The following FPR3 variants were observed in gnomAD, a reference collection of about 807,000 sequenced individuals.
The protein encoded by FPR3 is formyl peptide receptor 3, also known as N-formyl peptide receptor 3.
For missense variants in FPR3, 346 were observed against 443.2 expected, an observed-to-expected ratio of 0.78 and a Z score of 1.97; for synonymous variants, 135 against 163.6, an observed-to-expected ratio of 0.83 and a Z score of 1.34.
chr19:51,796,296 C>T (rs1275971211), intron 1 of FPR3, among the ~76,000 whole-genome samples: 1 of 152,082 alleles, frequency 6.6e-6, no homozygotes, highest in Non-Finnish European at 1.5e-5. Context: ...TGGGTGGAGC[C>T]CAGTGTGTCT....
At chr19:51,799,483 G>A (rs2084017272) in intron 1 of FPR3, among the ~76,000 whole-genome samples, 1 of 152,224 alleles carries the variant, frequency 6.6e-6, no homozygotes, top group African/African-American at 2.4e-5. Flanking sequence ...GCTTTTGGCT[G>A]TGTCTTGGAC....
chr19:51,824,413 G>T lies in FPR3; in HGVS notation c.665G>T (p.Gly222Val). 1.2e-6 allele frequency: 2 copies of T among 1,614,034 alleles called. No individual in the cohort carries two copies. The highest frequency in any genetic ancestry group is 4.5e-5 in the East Asian group (2 of 44,830). Residue 222 changes from glycine (G) to valine (V), a missense_variant, in exon 2 of 2, where the codon GGG becomes GTG. Transcript: ENST00000339223. The surrounding 1 kb of genome is among the most constrained non-coding windows in gnomAD (Gnocchi z 4.7). ...ATGTCCATCATCACAGTCTGCTATG[G>T]GATCATCGCTGCCAAAATTCACAGA... ...VPMSIITVCY[G>V]IIAAKIHRNH...
chr19:51,803,385 G>A (rs965926447), intron 1 of FPR3, among the ~76,000 whole-genome samples: 1 of 152,052 alleles, frequency 6.6e-6, no homozygotes, highest in African/African-American at 2.4e-5. Flanking sequence ...CTCAGAAATT[G>A]TCAATTTTGT....
chr19:51,824,968 C>A lies in FPR3; in HGVS notation c.*158C>A. The A allele has an allele frequency of 1.6e-6, 1 of 628,616 alleles. No homozygotes were observed. The highest frequency in any genetic ancestry group is 2.8e-6 in the Non-Finnish European group (1 of 353,608). The allele number at this position is 628,616 out of a possible 1,614,324, so 38.9% of individuals were successfully genotyped here. A position where few individuals can be genotyped will look rare whatever the true frequency, so the allele number is the denominator to read the frequency against. On this transcript the variant is annotated 3_prime_UTR_variant, in exon 2 of 2. Coordinates refer to ENST00000339223, the MANE Select transcript of FPR3 (RefSeq NM_002030.5). The surrounding 1 kb of genome is among the most constrained non-coding windows in gnomAD (Gnocchi z 4.7). ...ATCTGTAGGGGGTTTTTCCCACAAC[C>A]AAGCAATAGACACCAGCTGGGTGTC...
intron 1 of FPR3, among the ~76,000 whole-genome samples, chr19:51,801,096 T>C (rs1230044114): frequency 6.6e-6 from 1 of 151,082 alleles, no homozygotes; most frequent in African/African-American, 2.4e-5. Context: ...AAAAAGAAAA[T>C]AGAAAAAAAT....
At chr19:51,795,374 C>T (rs2122402362) in intron 1 of FPR3, 43 bp downstream of exon 1, 1 of 152,222 alleles carries the variant, frequency 6.6e-6, no homozygotes, top group East Asian at 1.9e-4. Flanking sequence ...GTTGAAATGC[C>T]TGCTATATGA....
At chr19:51,809,321 TA>T (rs1387903214) in intron 1 of FPR3, among the ~76,000 whole-genome samples, 6 of 152,232 alleles carry the variant, frequency 3.9e-5, no homozygotes, top group Non-Finnish European at 8.8e-5. Flanking sequence ...ATGTAGAAGT[TA>T]ATTGCAAGGG....
intron 1 of FPR3, among the ~76,000 whole-genome samples, chr19:51,816,681 G>A (rs2084139602): frequency 6.6e-6 from 1 of 152,234 alleles, no homozygotes; most frequent in African/African-American, 2.4e-5. Context: ...TCAGTCAGAA[G>A]TACAGGTGGC....
intron 1 of FPR3, among the ~76,000 whole-genome samples, chr19:51,797,782 T>C (rs2084008110): frequency 6.6e-6 from 1 of 151,850 alleles, no homozygotes; most frequent in South Asian, 2.1e-4. Flanking sequence ...GGTTCGGGAT[T>C]GTACCCCACA....
intron 1 of FPR3, chr19:51,817,765 C>T (rs2084150598): frequency 6.6e-6 from 1 of 152,140 alleles, no homozygotes; most frequent in Admixed American, 6.5e-5. Flanking sequence ...TGTCTTTTGA[C>T]AAATCCTTGG....
At chr19:51,803,185 T>C (rs1041501656) in intron 1 of FPR3, among the ~76,000 whole-genome samples, 1 of 152,178 alleles carries the variant, frequency 6.6e-6, no homozygotes, top group East Asian at 1.9e-4. Flanking sequence ...AACCAAGTCA[T>C]GTCTAGTAAA....
Position 51,824,873 on chromosome 19 carries a change from T to C in FPR3, c.*63T>C. On this transcript the variant is annotated 3_prime_UTR_variant, in exon 2 of 2. Transcript: ENST00000339223. The surrounding 1 kb of genome is among the most constrained non-coding windows in gnomAD (Gnocchi z 4.7). ...TGCGTTAAGCGGAAAAAAAAAATTCTGACAGTGTTTTTCTTCCTCTTTCAT... is the reference window on the plus strand; with the variant it reads ...TGCGTTAAGCGGAAAAAAAAAATTCCGACAGTGTTTTTCTTCCTCTTTCAT... 7.6e-7 allele frequency: 1 copy of C among 1,322,566 alleles called. No homozygotes were observed. The highest frequency in any genetic ancestry group is 1.5e-5 in the African/African-American group (1 of 67,074). 81.9% of individuals were successfully genotyped at this position (1,322,566 alleles called of 1,614,324 possible).
chr19:51,823,588 C>T (rs558000493), intron 1 of FPR3, among the ~76,000 whole-genome samples, 151 bp from the exon 2 acceptor site: 29 of 152,196 alleles, frequency 1.9e-4, no homozygotes, highest in Admixed American at 1.7e-3. Flanking sequence ...AAAGGAACTC[C>T]GAGAGAGTGC....
At chr19:51,797,868 A>G (rs2084008603) in intron 1 of FPR3, among the ~76,000 whole-genome samples, 1 of 91,992 alleles carries the variant, frequency 1.1e-5, no homozygotes, top group South Asian at 3.6e-4. Flanking sequence ...GATGATTTCC[A>G]TGTCTATTCT....
intron 1 of FPR3, among the ~76,000 whole-genome samples, chr19:51,806,574 C>T (rs1333303201): frequency 6.6e-6 from 1 of 152,190 alleles, no homozygotes; most frequent in Non-Finnish European, 1.5e-5. Flanking sequence ...GTTTGATGTG[C>T]CCATTCTATA....
Position 51,810,352 on chromosome 19 carries a change from G to A in FPR3, c.-10-13387G>A, listed in dbSNP as rs144274790. Among the ~76,000 whole-genome samples, 1,067 of 152,202 alleles carry A rather than the reference G, an allele frequency of 7.0e-3. 16 individuals carry two copies. Among genetic ancestry groups the A allele is most frequent in the African/African-American group, 0.025 (1,029 of 41,536 alleles). ...TTAAGGTTAGCATTTCTGCAGCCGT[G>A]GTATGAGGAATCTGACGCTTCACTG... On this transcript the variant is annotated intron_variant, in intron 1 of 1. Coordinates refer to ENST00000339223, the MANE Select transcript of FPR3 (RefSeq NM_002030.5).
intron 1 of FPR3, among the ~76,000 whole-genome samples, chr19:51,804,266 G>A (rs2084043532): frequency 6.6e-6 from 1 of 152,030 alleles, no homozygotes; most frequent in East Asian, 1.9e-4. Context: ...AAAAAAAAAA[G>A]AGGAACTTTA....
intron 1 of FPR3, among the ~76,000 whole-genome samples, chr19:51,823,062 C>T (rs1451095677): frequency 6.6e-6 from 1 of 152,008 alleles, no homozygotes; most frequent in African/African-American, 2.4e-5. Flanking sequence ...GGAGTTTCAC[C>T]ATGTTGGCCA....
intron 1 of FPR3, among the ~76,000 whole-genome samples, chr19:51,819,811 T>C (rs949527299): frequency 2.6e-5 from 4 of 152,160 alleles, no homozygotes; most frequent in African/African-American, 7.2e-5. Context: ...TGGGCCAAGA[T>C]TGGTTTCTTT....
Sources: gnomAD v4.1 joint callset for allele counts (sites outside exome capture counted in the v4.1 genomes callset) on GRCh38, gnomAD v4.1.1 for gene constraint, Gnocchi (gnomAD v3.1) non-coding constraint, MANE v1.5 for transcripts, NCBI Gene and HGNC (gene_info 2026-07-23, HGNC 2026-07-21) for gene names.